PRLR: variants seen among roughly 807,000 people sequenced by gnomAD.
PRLR encodes prolactin receptor, also known as hPRL receptor.
In PRLR, 13 loss-of-function variants were observed where a neutral mutation model predicts 40.2. The observed-to-expected ratio is 0.32, with a 90% CI of 0.21 to 0.51. The LOEUF is 0.51. Ranked by LOEUF, PRLR falls within the 20% of genes least tolerant of loss-of-function variation. The pLI is 0.97. For missense variants in PRLR, 656 were observed against 747.3 expected (o/e 0.88, Z 1.42); for synonymous variants, 269 against 278.7 (o/e 0.97, Z 0.35).
intron 1 of PRLR, among the ~76,000 whole-genome samples, chr5:35,229,549 C>A (rs899996637): frequency 6.6e-6 from 1 of 152,128 alleles, no homozygotes; most frequent in Admixed American, 6.5e-5. Context: ...TGACTTTAAC[C>A]AACTCCTCTT....
intron 1 of PRLR, among the ~76,000 whole-genome samples, chr5:35,147,091 T>G (rs1774203403): frequency 6.6e-6 from 1 of 152,178 alleles, no homozygotes; most frequent in South Asian, 2.1e-4. Flanking sequence ...TACCAAGCCA[T>G]TAGAGGTCAG....
At chr5:35,082,956 A>T (rs1466499383) in intron 5 of PRLR, among the ~76,000 whole-genome samples, 1 of 152,026 alleles carries the variant, frequency 6.6e-6, no homozygotes, top group African/African-American at 2.4e-5. Flanking sequence ...ACTTTTCTTT[A>T]GTGAGTCCCT....
intron 1 of PRLR, among the ~76,000 whole-genome samples, chr5:35,177,175 A>G (rs1318118902): frequency 3.9e-5 from 6 of 152,296 alleles, no homozygotes; most frequent in Middle Eastern, 3.4e-3. Context: ...CCCACGAATG[A>G]TCAATAAATA....
chr5:35,063,432 G>C lies in PRLR; in HGVS notation c.*1657C>G, dbSNP rs767378979. 6.6e-6 allele frequency: 1 copy of C among 152,072 alleles called. No homozygotes were observed. Among genetic ancestry groups the C allele is most frequent in the Non-Finnish European group, 1.5e-5 (1 of 68,016 alleles). The allele number at this position is 152,072 out of a possible 1,614,324, so 9.4% of individuals were successfully genotyped here. ...ATCAAGTGAAGGGAAAAATAGAGAGGGGCTGCTAGATGAGTCATGGATGCG... is the reference window on the plus strand; with the variant it reads ...ATCAAGTGAAGGGAAAAATAGAGAGCGGCTGCTAGATGAGTCATGGATGCG... On this transcript the variant is annotated 3_prime_UTR_variant, in exon 10 of 10. Transcript: ENST00000618457.
chr5:35,088,038 A>T (rs898779616), intron 3 of PRLR, among the ~76,000 whole-genome samples: 3 of 152,226 alleles, frequency 2.0e-5, no homozygotes, highest in African/African-American at 7.2e-5. Flanking sequence ...CCAGAGCAGA[A>T]ACAGCAGGTT....
chr5:35,204,267 G>A (rs1775955571), intron 1 of PRLR, among the ~76,000 whole-genome samples: 1 of 149,824 alleles, frequency 6.7e-6, no homozygotes, highest in African/African-American at 2.5e-5. Context: ...ACACACACAA[G>A]AAGATCAGAA....
chr5:35,082,549 A>G (rs1392694022), intron 5 of PRLR, among the ~76,000 whole-genome samples: 2 of 152,196 alleles, frequency 1.3e-5, no homozygotes, highest in Non-Finnish European at 2.9e-5. Context: ...AGCTTGTGAC[A>G]ATCAAAAATG....
intron 1 of PRLR, among the ~76,000 whole-genome samples, chr5:35,123,047 G>T (rs1022212180): frequency 7.2e-5 from 11 of 152,194 alleles, no homozygotes; most frequent in African/African-American, 1.2e-4. Context: ...GGAAGCGAAA[G>T]AATCCAATAT....
rs771547695 is a variant in PRLR at position 35,065,175 on chromosome 5, A to G, written c.1783T>C (p.Phe595Leu). The change falls in exon 10 of 10, where the codon TTC becomes CTC. Residue 595 changes from phenylalanine (F) to leucine (L), a missense_variant. This residue lies in a region of PRLR where 469 missense variants were observed against 491.5 expected (regional missense o/e 0.95). Transcript: ENST00000618457. ...QNQAEKALAN[F>L]TATSSKCRLQ... is the part of the protein sequence containing the mutation. ...CTGCACTTGCTTGATGTTGCAGTGA[A>G]GTTGGCCAGGGCTTTCTCAGCTTGA... is the stretch of plus-strand genomic sequence containing the variant. 2.5e-6 allele frequency: 4 copies of G among 1,614,230 alleles called. No homozygotes were observed. The highest frequency in any genetic ancestry group is 1.7e-4 in the Middle Eastern group (1 of 6,060).
chr5:35,144,620 A>ATT lies in PRLR; in HGVS notation c.-105-26500_-105-26499dup, dbSNP rs752141245. 5.3e-3 allele frequency among the ~76,000 whole-genome samples: 729 copies of ATT among 137,880 alleles called. 6 individuals are homozygous for ATT. The highest frequency in any genetic ancestry group is 0.018 in the African/African-American group (676 of 37,850). The allele number at this position is 137,880 out of a possible 152,430, so 90.5% of individuals were successfully genotyped here. A position where few individuals can be genotyped will look rare whatever the true frequency, so the allele number is the denominator to read the frequency against. On this transcript the variant is annotated intron_variant, in intron 1 of 9. Coordinates refer to ENST00000618457, the MANE Select transcript of PRLR (RefSeq NM_000949.7). The stretch of plus-strand genomic sequence containing the variant: ...AGGTGCACACCACCATGCCTGGCTA[A>ATT]TTTTTTTTTTTTTTTGTATTTTTAG...
At chr5:35,121,696 T>G (rs1414966172) in intron 1 of PRLR, among the ~76,000 whole-genome samples, 3 of 152,190 alleles carry the variant, frequency 2.0e-5, no homozygotes, top group Non-Finnish European at 4.4e-5. Flanking sequence ...CCAAAATCTA[T>G]GAGGTAGGCA....
chr5:35,186,568 A>T (rs1775439471), intron 1 of PRLR, among the ~76,000 whole-genome samples: 1 of 152,178 alleles, frequency 6.6e-6, no homozygotes, highest in Non-Finnish European at 1.5e-5. Context: ...CTTCCCTATG[A>T]CCCTGAGAGG....
chr5:35,077,225 G>T (rs1335211721), intron 5 of PRLR, among the ~76,000 whole-genome samples: 2 of 152,244 alleles, frequency 1.3e-5, no homozygotes, highest in South Asian at 4.2e-4. Context: ...TGGGCTAAAT[G>T]CTCCAATTAA....
chr5:35,180,067 G>A (rs1163988437), intron 1 of PRLR, among the ~76,000 whole-genome samples: 4 of 152,134 alleles, frequency 2.6e-5, no homozygotes, highest in South Asian at 2.1e-4. Context: ...CGATCACCAC[G>A]CATTATAGTC....
intron 1 of PRLR, chr5:35,135,536 C>T (rs569741231): frequency 1.3e-5 from 2 of 152,510 alleles, no homozygotes; most frequent in Non-Finnish European, 2.9e-5. Context: ...GAGTCCTGAC[C>T]CTTATTTCTG....
intron 9 of PRLR, among the ~76,000 whole-genome samples, chr5:35,067,921 GATT>G (rs1350701176): frequency 6.6e-5 from 10 of 152,274 alleles, no homozygotes; most frequent in African/African-American, 2.2e-4. Flanking sequence ...TTTCTAAATT[GATT>G]ATTTGTATAA....
intron 1 of PRLR, among the ~76,000 whole-genome samples, chr5:35,131,819 ATGTCCTG>A: frequency 6.6e-6 from 1 of 152,288 alleles, no homozygotes. Flanking sequence ...AAAGTTGCTC[ATGTCCTG>A]TGAAAAGCCA....
chr5:35,222,571 T>C (rs1366786909), intron 1 of PRLR, among the ~76,000 whole-genome samples: 7 of 152,166 alleles, frequency 4.6e-5, no homozygotes, highest in African/African-American at 1.4e-4. Context: ...GGGACCACTG[T>C]GACTGCCTAT....
At chr5:35,147,420 G>C (rs545513278) in intron 1 of PRLR, among the ~76,000 whole-genome samples, 2 of 152,232 alleles carry the variant, frequency 1.3e-5, no homozygotes, top group East Asian at 1.9e-4. Context: ...CAAATTTCTT[G>C]CTTTGTTGAA....
Sources: gnomAD v4.1 joint callset for allele counts (sites outside exome capture counted in the v4.1 genomes callset) on GRCh38, gnomAD v4.1.1 for gene constraint, gnomAD v4.1.1 regional missense constraint, MANE v1.5 for transcripts, NCBI Gene and HGNC (gene_info 2026-07-23, HGNC 2026-07-21) for gene names.